KLHL29: variants seen among roughly 807,000 people sequenced by gnomAD.
The protein encoded by KLHL29 is kelch-like protein 29.
KLHL29 carries 21 observed loss-of-function variants against 80.4 expected under a neutral mutation model. That is an observed-to-expected ratio of 0.26 (90% CI 0.19 to 0.38). KLHL29 has a LOEUF of 0.38. KLHL29 is among the 10% of genes least tolerant of loss of function. KLHL29 has a pLI of 1.00. For missense variants in KLHL29, 867 were observed against 1,223.9 expected (o/e 0.71, Z 4.35); for synonymous variants, 511 against 526.8 (o/e 0.97, Z 0.41).
rs769975340 is a variant in KLHL29 at position 23,435,899 on chromosome 2, C to CTT, written c.-153-39643_-153-39642dup. On this transcript the variant is annotated intron_variant, in intron 1 of 13. Coordinates refer to ENST00000486442, the MANE Select transcript of KLHL29 (RefSeq NM_052920.2). ...GTTTTCTTTCTTTCTCTCTCTCTCT[C>CTT]TTTTTTTTTTTTTTTTTTTAAAAAG... 3.1e-3 allele frequency among the ~76,000 whole-genome samples: 416 copies of CTT among 135,406 alleles called. 7 individuals are homozygous for CTT. The highest frequency in any genetic ancestry group is 0.01 in the African/African-American group (369 of 36,656). The allele number at this position is 135,406 out of a possible 152,430, so 88.8% of individuals were successfully genotyped here. A position where few individuals can be genotyped will look rare whatever the true frequency, so the allele number is the denominator to read the frequency against.
At chr2:23,670,917 G>GCGCCCTCTCT (rs150131401) in intron 5 of KLHL29, among the ~76,000 whole-genome samples, 1 of 18,534 alleles carries the variant, frequency 5.4e-5, no homozygotes, top group African/African-American at 1.6e-4. Flanking sequence ...ACATGCACGC[G>GCGCCCTCTCT]CTCTCTCTCT....
At position 23,693,327 on chromosome 2, in the gene KLHL29, G is replaced by A; in HGVS notation, c.1341G>A (p.Gln447=). Residue 447 remains glutamine, a synonymous_variant, in exon 8 of 14, where the codon CAG becomes CAA. Coordinates refer to ENST00000486442, the MANE Select transcript of KLHL29 (RefSeq NM_052920.2). The part of the protein sequence containing the change: ...LGVLAMAEAM[Q]CSELYHMAKA... ...TGCTGGCCATGGCCGAGGCCATGCA[G>A]TGCAGCGAGCTCTACCACATGGCCA... is the stretch of plus-strand genomic sequence containing the variant. 1.3e-6 allele frequency: 2 copies of A among 1,551,268 alleles called. No homozygotes were observed. Among genetic ancestry groups the A allele is most frequent in the Non-Finnish European group, 1.7e-6 (2 of 1,146,918 alleles).
chr2:23,614,604 T>A (rs1015059278), intron 3 of KLHL29, among the ~76,000 whole-genome samples: 1 of 152,190 alleles, frequency 6.6e-6, no homozygotes, highest in Admixed American at 6.5e-5. Flanking sequence ...CTAGGGAATA[T>A]GCGTTCTTCA....
chr2:23,461,295 C>T (rs1441250478), intron 1 of KLHL29, among the ~76,000 whole-genome samples: 1 of 152,088 alleles, frequency 6.6e-6, no homozygotes, highest in African/African-American at 2.4e-5. Flanking sequence ...CCAGACTGGG[C>T]GTATAAACAA....
intron 1 of KLHL29, among the ~76,000 whole-genome samples, chr2:23,397,295 C>G (rs1308790703): frequency 6.6e-6 from 1 of 152,246 alleles, no homozygotes; most frequent in African/African-American, 2.4e-5. Context: ...ACAGGCTCTC[C>G]CTCACATCAC....
intron 8 of KLHL29, among the ~76,000 whole-genome samples, chr2:23,694,687 G>C (rs1671838296): frequency 6.6e-6 from 1 of 152,098 alleles, no homozygotes; most frequent in Non-Finnish European, 1.5e-5. Flanking sequence ...CAATTCTCCA[G>C]ACACACCATT....
intron 3 of KLHL29, among the ~76,000 whole-genome samples, chr2:23,564,443 C>T (rs1572404021): frequency 6.6e-6 from 1 of 152,216 alleles, no homozygotes; most frequent in Non-Finnish European, 1.5e-5. Flanking sequence ...CATGTCACAA[C>T]AGAGGAACTG....
intron 11 of KLHL29, chr2:23,697,562 A>T (rs1013867716): frequency 6.6e-6 from 1 of 152,156 alleles, no homozygotes; most frequent in African/African-American, 2.4e-5. Context: ...CTCAATTTGT[A>T]TTTTTCCCCC....
chr2:23,421,340 G>A (rs980958598), intron 1 of KLHL29, among the ~76,000 whole-genome samples: 4 of 152,182 alleles, frequency 2.6e-5, no homozygotes, highest in Non-Finnish European at 4.4e-5. Context: ...GGGCAGAGCC[G>A]GAGGCTGGGC....
intron 2 of KLHL29, among the ~76,000 whole-genome samples, chr2:23,517,163 C>T (rs764714605): frequency 2.0e-5 from 3 of 152,254 alleles, no homozygotes; most frequent in Non-Finnish European, 2.9e-5. Flanking sequence ...CTCTCAGCCA[C>T]TCTCCTCCAG....
rs569013804 is a variant in KLHL29 at position 23,562,592 on chromosome 2, G to A, written c.285+111G>A. On this transcript the variant is annotated intron_variant, in intron 3 of 13. Transcript: ENST00000486442. The surrounding 1 kb of genome is among the most constrained non-coding windows in gnomAD (Gnocchi z 4.5). ...TGGGGCAGCCTGTGCTCCACGCCCC[G>A]AGTCCTCCAGAGTCTTGTCCTTCCA... 3.5e-5 allele frequency: 36 copies of A among 1,041,582 alleles called. No homozygotes were observed. Among genetic ancestry groups the A allele is most frequent in the Middle Eastern group, 3.1e-4 (1 of 3,214 alleles). 64.5% of individuals were successfully genotyped at this position (1,041,582 alleles called of 1,614,324 possible). A position where few individuals can be genotyped will look rare whatever the true frequency, so the allele number is the denominator to read the frequency against.
chr2:23,470,722 A>G (rs1572341109), intron 1 of KLHL29, among the ~76,000 whole-genome samples: 2 of 152,182 alleles, frequency 1.3e-5, no homozygotes, highest in South Asian at 4.1e-4. Context: ...TCAGTGGCCA[A>G]TTGTGGCTCC....
chr2:23,392,843 A>C (rs1464093007), intron 1 of KLHL29, among the ~76,000 whole-genome samples: 1 of 152,214 alleles, frequency 6.6e-6, no homozygotes, highest in Non-Finnish European at 1.5e-5. Context: ...GTCTATACTA[A>C]TTAACATTTT....
intron 1 of KLHL29, among the ~76,000 whole-genome samples, chr2:23,437,907 G>A (rs914116580): frequency 3.9e-5 from 6 of 152,092 alleles, no homozygotes; most frequent in Non-Finnish European, 7.3e-5. Flanking sequence ...GGGCAGTATG[G>A]CCATTTTCGC....
At chr2:23,656,143 T>C (rs3795934) in intron 5 of KLHL29, among the ~76,000 whole-genome samples, 55,507 of 151,898 alleles carry the variant, frequency 0.37, 12,279 homozygotes, top group East Asian at 0.52. Context: ...GAGATTTCTG[T>C]GCAAGAAGGC....
At chr2:23,679,942 C>T (rs551230535) in intron 5 of KLHL29, among the ~76,000 whole-genome samples, 2 of 152,186 alleles carry the variant, frequency 1.3e-5, no homozygotes, top group Non-Finnish European at 2.9e-5. Context: ...GTGTGGGGTG[C>T]AAGGAGGCTT....
chr2:23,443,960 G>T (rs898129017), intron 1 of KLHL29, among the ~76,000 whole-genome samples: 1 of 152,208 alleles, frequency 6.6e-6, no homozygotes, highest in Non-Finnish European at 1.5e-5. Flanking sequence ...CAGGGGTATT[G>T]TAAAATGGTG....
intron 2 of KLHL29, among the ~76,000 whole-genome samples, chr2:23,494,996 G>A (rs753304707): frequency 1.3e-5 from 2 of 152,204 alleles, no homozygotes; most frequent in Non-Finnish European, 2.9e-5. Context: ...CTTCAGTGCT[G>A]CCTCAGTGCC....
chr2:23,501,320 G>A (rs1324606394), intron 2 of KLHL29, among the ~76,000 whole-genome samples: 1 of 152,024 alleles, frequency 6.6e-6, no homozygotes, highest in Non-Finnish European at 1.5e-5. Context: ...ATACAAATTG[G>A]ATTGAACCTA....
Sources: allele counts gnomAD v4.1 joint callset (sites outside exome capture counted in the v4.1 genomes callset), GRCh38; gene constraint gnomAD v4.1.1; non-coding constraint Gnocchi (gnomAD v3.1); transcripts MANE v1.5; gene names NCBI Gene and HGNC (gene_info 2026-07-23, HGNC 2026-07-21).